SYT10: variants seen among roughly 807,000 people sequenced by gnomAD.
SYT10 encodes the protein synaptotagmin 10, also known as synaptotagmin-10.
SYT10 carries 31 observed loss-of-function variants against 51.1 expected under a neutral mutation model. The ratio of observed to expected loss-of-function variants is 0.61; its 90% confidence interval spans 0.46 to 0.82. The LOEUF is 0.82. Among genes scored for constraint, SYT10 ranks in the 40% least tolerant of loss-of-function variants. SYT10 has a pLI of 0.00. For synonymous variants in SYT10, 233 were observed against 225.9 expected (o/e 1.03, Z -0.28); for missense variants, 603 against 634.0 (o/e 0.95, Z 0.53).
At chr12:33,439,342 C>T in intron 1 of SYT10, 30 bp downstream of exon 1, 1 of 1,597,412 alleles carries the variant, frequency 6.3e-7, no homozygotes, top group Non-Finnish European at 8.5e-7. Flanking sequence ...CAGCGGAGCG[C>T]GAGGACGCGA....
chr12:33,379,320 T>C (rs1022709808), intron 6 of SYT10, among the ~76,000 whole-genome samples: 6 of 151,978 alleles, frequency 3.9e-5, no homozygotes, highest in African/African-American at 1.4e-4. Context: ...CCCCAATATT[T>C]TAAAAACCTG....
chr12:33,413,260 C>T (rs965728757), intron 2 of SYT10, among the ~76,000 whole-genome samples: 2 of 152,200 alleles, frequency 1.3e-5, no homozygotes, highest in African/African-American at 4.8e-5. Context: ...AAACACTCTG[C>T]TGGATATTAT....
chr12:33,402,177 T>G (rs1206844912), intron 3 of SYT10, among the ~76,000 whole-genome samples: 1 of 152,196 alleles, frequency 6.6e-6, no homozygotes, highest in African/African-American at 2.4e-5. Context: ...TTCACTCTTC[T>G]AATAAAAAAC....
At chr12:33,388,602 A>G (rs1209877196) in intron 3 of SYT10, among the ~76,000 whole-genome samples, 1 of 152,176 alleles carries the variant, frequency 6.6e-6, no homozygotes, top group Non-Finnish European at 1.5e-5. Context: ...CCATTCTCAT[A>G]CACACTAATT....
intron 6 of SYT10, 122 bp from the exon 7 acceptor site, chr12:33,377,023 T>G: frequency 1.0e-6 from 1 of 994,540 alleles, no homozygotes; most frequent in Non-Finnish European, 1.5e-6. Context: ...AGAAAGGAAA[T>G]ACATAACTCC....
intron 4 of SYT10, among the ~76,000 whole-genome samples, chr12:33,383,761 T>C (rs1866135707): frequency 6.6e-6 from 1 of 152,046 alleles, no homozygotes; most frequent in Admixed American, 6.6e-5. Context: ...GGGTCTTTGG[T>C]TGATTCACAA....
intron 1 of SYT10, chr12:33,432,500 G>A (rs145378484): frequency 8.6e-5 from 13 of 152,042 alleles, no homozygotes; most frequent in Admixed American, 4.6e-4. Context: ...CATAGTAAGC[G>A]CTCAATAAAT....
chr12:33,437,212 C>G (rs1267442447), intron 1 of SYT10, among the ~76,000 whole-genome samples: 1 of 152,198 alleles, frequency 6.6e-6, no homozygotes, highest in East Asian at 1.9e-4. Context: ...AGTAGAATAT[C>G]TTTCCTAGTA....
chr12:33,385,366 T>C, intron 3 of SYT10, 75 bp from the exon 4 acceptor site: 3 of 1,547,472 alleles, frequency 1.9e-6, no homozygotes, highest in Middle Eastern at 1.7e-4. Context: ...TTTAGTAGAA[T>C]ACTGGAATGT....
chr12:33,376,550 T>A lies in SYT10; in HGVS notation c.*280A>T. The stretch of plus-strand genomic sequence containing the variant: ...GAACTGTTTAAAAAAACATTTCATA[T>A]GCAAAGAATTACAACATAGTAAAAC... On this transcript the variant is annotated 3_prime_UTR_variant, in exon 7 of 7. Coordinates refer to ENST00000228567, the MANE Select transcript of SYT10 (RefSeq NM_198992.4). The A allele has an allele frequency of 2.4e-6, 1 of 414,794 alleles. No homozygotes were observed. The highest frequency in any genetic ancestry group is 4.4e-6 in the Non-Finnish European group (1 of 228,582). 25.7% of individuals were successfully genotyped at this position (414,794 alleles called of 1,614,324 possible). A position where few individuals can be genotyped will look rare whatever the true frequency, so the allele number is the denominator to read the frequency against.
At chr12:33,400,725 T>C (rs540006532) in intron 3 of SYT10, among the ~76,000 whole-genome samples, 98 of 152,240 alleles carry the variant, frequency 6.4e-4, no homozygotes, top group African/African-American at 2.1e-3. Flanking sequence ...CATTTAAATA[T>C]TGAAAATACA....
rs16920919 is a variant in SYT10 at position 33,386,997 on chromosome 12, A to C, written c.1078-1706T>G. On this transcript the variant is annotated intron_variant, in intron 3 of 6. Coordinates refer to ENST00000228567, the MANE Select transcript of SYT10 (RefSeq NM_198992.4). ...GAATGTGGACAATGGACAATTTAGGATGCTCCTTAAAGAGTTGTTTACAGG... is the reference window on the plus strand; with the variant it reads ...GAATGTGGACAATGGACAATTTAGGCTGCTCCTTAAAGAGTTGTTTACAGG... Among the ~76,000 whole-genome samples the C allele has an allele frequency of 9.1e-3, 1,392 of 152,316 alleles. 75 individuals are homozygous for C. The East Asian group carries it at 0.13, about 15-fold the overall frequency.
At chr12:33,403,741 C>T (rs1005832693) in intron 3 of SYT10, among the ~76,000 whole-genome samples, 6 of 151,940 alleles carry the variant, frequency 3.9e-5, no homozygotes, top group South Asian at 2.1e-4. Flanking sequence ...AAATTAATGA[C>T]GTGTGAATAG....
chr12:33,434,685 A>C (rs760279823), intron 1 of SYT10, among the ~76,000 whole-genome samples: 10 of 152,142 alleles, frequency 6.6e-5, no homozygotes, highest in Non-Finnish European at 1.2e-4. Flanking sequence ...CATGCCTGTA[A>C]TCCCAGCTAC....
At chr12:33,437,804 C>T (rs1246099785) in intron 1 of SYT10, among the ~76,000 whole-genome samples, 7 of 152,080 alleles carry the variant, frequency 4.6e-5, no homozygotes, top group Non-Finnish European at 1.0e-4. Context: ...GTCTTTACCT[C>T]ATACTTAGCA....
chr12:33,420,098 A>C (rs180738900), intron 2 of SYT10, among the ~76,000 whole-genome samples: 1 of 152,194 alleles, frequency 6.6e-6, no homozygotes, highest in Non-Finnish European at 1.5e-5. Context: ...TAGCTCTACA[A>C]CCAGGTTCAT....
rs1400278280 is a variant in SYT10 at position 33,439,362 on chromosome 12, T to G, written c.151+10A>C. 6.2e-7 allele frequency: 1 copy of G among 1,609,916 alleles called. No homozygotes were observed. On this transcript the variant is annotated intron_variant, in intron 1 of 6. Coordinates refer to ENST00000228567, the MANE Select transcript of SYT10 (RefSeq NM_198992.4). ...GAGCGCGAGGACGCGAGCGGAGCCCTCCCGGTTACCTGTGCTGCTTCCGCC... is the reference window on the plus strand; with the variant it reads ...GAGCGCGAGGACGCGAGCGGAGCCCGCCCGGTTACCTGTGCTGCTTCCGCC...
chr12:33,432,787 T>C (rs1866607585), intron 1 of SYT10: 1 of 152,026 alleles, frequency 6.6e-6, no homozygotes, highest in Non-Finnish European at 1.5e-5. Context: ...AATGGAATAA[T>C]AAATTAGACA....
chr12:33,407,396 T>A (rs1440040420), intron 2 of SYT10, 40 bp from the exon 3 acceptor site: 119 of 1,546,618 alleles, frequency 7.7e-5, no homozygotes, highest in Non-Finnish European at 9.6e-5. Context: ...TTGAGGGAGA[T>A]CATTTTGATG....
Sources: gnomAD v4.1 joint callset for allele counts (sites outside exome capture counted in the v4.1 genomes callset) on GRCh38, gnomAD v4.1.1 for gene constraint, MANE v1.5 for transcripts, NCBI Gene and HGNC (gene_info 2026-07-23, HGNC 2026-07-21) for gene names.